The following ROR1 variants were observed in gnomAD, a reference collection of about 807,000 sequenced individuals.
ROR1 encodes the protein inactive tyrosine-protein kinase transmembrane receptor ROR1.
A neutral mutation model predicts 78.8 loss-of-function variants in ROR1; 19 were observed. That is an observed-to-expected ratio of 0.24 (90% confidence interval 0.17 to 0.35). The LOEUF is 0.35. ROR1 is among the 10% of genes least tolerant of loss of function. The pLI is 1.00. For synonymous variants in ROR1, 386 were observed against 433.6 expected (o/e 0.89, Z 1.36); for missense variants, 917 against 1,177.8 (o/e 0.78, Z 3.24).
intron 1 of ROR1, among the ~76,000 whole-genome samples, chr1:63,998,389 C>T (rs1372652666): frequency 2.0e-5 from 3 of 150,986 alleles, no homozygotes; most frequent in African/African-American, 4.9e-5. Flanking sequence ...GTGATTTGAA[C>T]ATAGTGTGAA....
chr1:63,810,718 G>A (rs570505871), intron 1 of ROR1, among the ~76,000 whole-genome samples: 3 of 152,328 alleles, frequency 2.0e-5, no homozygotes, highest in African/African-American at 7.2e-5. Context: ...GCATGGAGGT[G>A]TGAAACATGA....
intron 1 of ROR1, among the ~76,000 whole-genome samples, chr1:63,820,050 T>C (rs1644914765): frequency 6.6e-6 from 1 of 152,202 alleles, no homozygotes; most frequent in Non-Finnish European, 1.5e-5. Context: ...TTCTTTCTTT[T>C]AATAAGGCAA....
intron 4 of ROR1, among the ~76,000 whole-genome samples, chr1:64,135,665 A>G (rs1013113050): frequency 1.3e-5 from 2 of 152,212 alleles, no homozygotes; most frequent in African/African-American, 4.8e-5. Context: ...AATTTAAGCC[A>G]AAAAGGCTTC....
chr1:64,175,238 A>G (rs1462940886), intron 8 of ROR1, among the ~76,000 whole-genome samples: 1 of 151,930 alleles, frequency 6.6e-6, no homozygotes, highest in Non-Finnish European at 1.5e-5. Flanking sequence ...AATATGTTTC[A>G]TGTGTTCTTT....
intron 1 of ROR1, among the ~76,000 whole-genome samples, chr1:63,829,865 T>A (rs889140898): frequency 1.1e-4 from 17 of 152,080 alleles, no homozygotes; most frequent in African/African-American, 4.1e-4. Flanking sequence ...AGACAGCTTA[T>A]TTCCTCGCCA....
At chr1:63,953,243 A>T (rs1645954937) in intron 1 of ROR1, among the ~76,000 whole-genome samples, 1 of 152,120 alleles carries the variant, frequency 6.6e-6, no homozygotes, top group East Asian at 1.9e-4. Context: ...GCTTTTATTT[A>T]ATCTCTTAGA....
rs546337265 is a variant in ROR1 at position 64,172,949 on chromosome 1, A to G, written c.1387-4479A>G. On this transcript the variant is annotated intron_variant, in intron 8 of 8. Coordinates refer to ENST00000371079, the MANE Select transcript of ROR1 (RefSeq NM_005012.4). ...CCATCTGTTCCTCAACAATACAGCT[A>G]ATTTCCTGCCATCACCGTACAGTCT... Among the ~76,000 whole-genome samples, 12 of 152,254 alleles carry G rather than the reference A, an allele frequency of 7.9e-5. 1 individual carries two copies. In the South Asian group the frequency reaches 2.1e-3, roughly 26 times the overall value.
chr1:64,106,311 T>C (rs923040937), intron 4 of ROR1: 1 of 152,242 alleles, frequency 6.6e-6, no homozygotes, highest in Admixed American at 6.5e-5. Flanking sequence ...ATTGATTTTG[T>C]ATCCTGAGAC....
intron 1 of ROR1, among the ~76,000 whole-genome samples, chr1:63,876,428 C>A (rs1283627379): frequency 6.6e-6 from 1 of 152,032 alleles, no homozygotes; most frequent in Non-Finnish European, 1.5e-5. Flanking sequence ...ACTTCTGCCC[C>A]CTCTTCCCCC....
chr1:64,139,277 G>GT (rs770220481), intron 5 of ROR1, among the ~76,000 whole-genome samples: 3 of 150,262 alleles, frequency 2.0e-5, no homozygotes, highest in East Asian at 1.9e-4. Flanking sequence ...CTGGTGGAAA[G>GT]TTTTTTTTTA....
At chr1:63,975,153 T>TC (rs1313302844) in intron 1 of ROR1, among the ~76,000 whole-genome samples, 4 of 152,206 alleles carry the variant, frequency 2.6e-5, no homozygotes, top group South Asian at 4.1e-4. Flanking sequence ...CTTCTCACGT[T>TC]CTTTGGAGGT....
chr1:64,046,880 C>A (rs1272496257), intron 2 of ROR1, among the ~76,000 whole-genome samples: 1 of 152,220 alleles, frequency 6.6e-6, no homozygotes, highest in African/African-American at 2.4e-5. Context: ...TCCTAGGTTT[C>A]CTCATTGTAA....
rs1170837247 is a variant in ROR1, at chr1:64,059,843, T to TA, written c.482+9129dup. ...TTTAAGGAAACCTCTGTCCAGTCAT[T>TA]AACTGATCACTAGGTTAACTGAGGA... On this transcript the variant is annotated intron_variant, in intron 4 of 8. Coordinates refer to ENST00000371079, the MANE Select transcript of ROR1 (RefSeq NM_005012.4). 3.9e-5 allele frequency among the ~76,000 whole-genome samples: 6 copies of TA among 152,316 alleles called. No homozygotes were observed. The East Asian group carries it at 7.7e-4, about 20-fold the overall frequency.
At chr1:64,050,439 C>T (rs550646262) in intron 3 of ROR1, among the ~76,000 whole-genome samples, 1 of 151,986 alleles carries the variant, frequency 6.6e-6, no homozygotes, top group Admixed American at 6.6e-5. Context: ...TCGATTAACT[C>T]TTTTTTTAGC....
chr1:64,177,348 GC>G, intron 8 of ROR1, 79 bp from the exon 9 acceptor site: 2 of 1,018,498 alleles, frequency 2.0e-6, no homozygotes, highest in East Asian at 4.8e-5. Flanking sequence ...TTTTCTATAT[GC>G]CCCGTCCCTC....
chr1:63,778,829 A>G (rs1644633335), intron 1 of ROR1, among the ~76,000 whole-genome samples: 1 of 152,226 alleles, frequency 6.6e-6, no homozygotes, highest in African/African-American at 2.4e-5. Context: ...AAAAAGTGGC[A>G]TTACTGGGCT....
At chr1:63,956,587 G>T (rs61765145) in intron 1 of ROR1, among the ~76,000 whole-genome samples, 2 of 152,172 alleles carry the variant, frequency 1.3e-5, no homozygotes, top group African/African-American at 4.8e-5. Context: ...CACTAATTCA[G>T]TGTGTCTGAG....
chr1:64,146,000 A>T (rs746097147), intron 7 of ROR1, among the ~76,000 whole-genome samples: 1 of 152,164 alleles, frequency 6.6e-6, no homozygotes, highest in African/African-American at 2.4e-5. Context: ...TTATTGGTTG[A>T]TGTACAGAGG....
intron 1 of ROR1, among the ~76,000 whole-genome samples, chr1:63,896,562 C>G (rs1645441440): frequency 1.3e-5 from 2 of 152,162 alleles, no homozygotes; most frequent in East Asian, 1.9e-4. Context: ...AATCAAGGAG[C>G]TGGATTCTGT....
Sources: gnomAD v4.1 joint callset for allele counts (sites outside exome capture counted in the v4.1 genomes callset) on GRCh38, gnomAD v4.1.1 for gene constraint, MANE v1.5 for transcripts, NCBI Gene and HGNC (gene_info 2026-07-23, HGNC 2026-07-21) for gene names.